ADAMTS3: variants seen among roughly 807,000 people sequenced by gnomAD.
The protein encoded by ADAMTS3 is ADAM metallopeptidase with thrombospondin type 1 motif 3, also known as A disintegrin and metalloproteinase with thrombospondin motifs 3.
Under a neutral mutation model 129.0 loss-of-function variants are expected in ADAMTS3, and 73 were observed. The observed-to-expected ratio is 0.57, with a 90% confidence interval of 0.47 to 0.69. The LOEUF (loss-of-function observed/expected upper bound fraction) is 0.69. Among genes scored for constraint, ADAMTS3 ranks in the 30% least tolerant of loss-of-function variants. The probability of loss-of-function intolerance (pLI) is 0.00; values close to 1 mark genes in which losing one functional copy is unlikely to be tolerated. For missense variants in ADAMTS3, 1,457 were observed against 1,514.5 expected (o/e 0.96, Z 0.63); for synonymous variants, 477 against 510.8 (o/e 0.93, Z 0.89).
intron 2 of ADAMTS3, among the ~76,000 whole-genome samples, chr4:72,559,889 A>G (rs1175420677): frequency 6.6e-6 from 1 of 151,848 alleles, no homozygotes; most frequent in African/African-American, 2.4e-5. Context: ...TAGCCAAGAC[A>G]GTCCTAAACA....
intron 5 of ADAMTS3, among the ~76,000 whole-genome samples, chr4:72,336,160 G>T (rs1166490659): frequency 6.6e-6 from 1 of 152,126 alleles, no homozygotes; most frequent in Non-Finnish European, 1.5e-5. Flanking sequence ...AGGCAAAGTT[G>T]ACCAACAATT....
At chr4:72,467,812 T>C (rs1442061600) in intron 3 of ADAMTS3, among the ~76,000 whole-genome samples, 3 of 152,082 alleles carry the variant, frequency 2.0e-5, no homozygotes, top group East Asian at 1.9e-4. Context: ...CTAACTTGTA[T>C]AGCACTCCCC....
At chr4:72,406,160 T>G (rs901455659) in intron 4 of ADAMTS3, among the ~76,000 whole-genome samples, 1 of 152,000 alleles carries the variant, frequency 6.6e-6, no homozygotes, top group African/African-American at 2.4e-5. Flanking sequence ...CAAATAGCAG[T>G]CCCAGCCATA....
intron 3 of ADAMTS3, among the ~76,000 whole-genome samples, chr4:72,476,853 T>C (rs77951781): frequency 0.02 from 3,055 of 152,190 alleles, 104 homozygotes; most frequent in African/African-American, 0.07. Flanking sequence ...GCAAGGCTAG[T>C]TCAACTTTCA....
chr4:72,293,558 C>G (rs2109775257), intron 19 of ADAMTS3, among the ~76,000 whole-genome samples: 1 of 152,196 alleles, frequency 6.6e-6, no homozygotes, highest in South Asian at 2.1e-4. Flanking sequence ...TGATTCTGTT[C>G]TATGGAATCT....
intron 3 of ADAMTS3, among the ~76,000 whole-genome samples, chr4:72,450,340 G>A (rs1238969444): frequency 6.6e-6 from 1 of 151,646 alleles, no homozygotes; most frequent in African/African-American, 2.4e-5. Flanking sequence ...ACATGGCCAG[G>A]CTCTGGCACC....
chr4:72,319,174 A>C (rs1204526809), intron 9 of ADAMTS3, among the ~76,000 whole-genome samples, 158 bp downstream of exon 9: 2 of 152,184 alleles, frequency 1.3e-5, no homozygotes, highest in Non-Finnish European at 2.9e-5. Context: ...TGACTCCATG[A>C]TAAAATTTTT....
intron 4 of ADAMTS3, among the ~76,000 whole-genome samples, chr4:72,383,218 T>G (rs1183487662): frequency 6.6e-6 from 1 of 152,100 alleles, no homozygotes; most frequent in African/African-American, 2.4e-5. Flanking sequence ...ACCAATCCTC[T>G]TGTAGATAAC....
rs766804810 is a variant in ADAMTS3, at chr4:72,323,142, G to A, written c.862-45C>T. 3 of 1,464,962 alleles carry A rather than the reference G, an allele frequency of 2.0e-6. No individual in the cohort carries two copies. In the South Asian group the frequency reaches 3.4e-5, roughly 17 times the overall value. The allele number at this position is 1,464,962 out of a possible 1,614,324, so 90.7% of individuals were successfully genotyped here. A position where few individuals can be genotyped will look rare whatever the true frequency, so the allele number is the denominator to read the frequency against. ...ATTGCTAAAAGAAAGGAAACACCGA[G>A]GATTTCATGAGATGTACATATAAGC... On this transcript the variant is annotated intron_variant, in intron 5 of 21. Coordinates refer to ENST00000286657, the MANE Select transcript of ADAMTS3 (RefSeq NM_014243.3).
chr4:72,369,520 G>A (rs1720951730), intron 4 of ADAMTS3, among the ~76,000 whole-genome samples: 1 of 152,044 alleles, frequency 6.6e-6, no homozygotes, highest in Non-Finnish European at 1.5e-5. Context: ...AAACCAGCAT[G>A]GCCAACATGA....
intron 4 of ADAMTS3, among the ~76,000 whole-genome samples, chr4:72,382,626 T>C (rs2109881082): frequency 6.6e-6 from 1 of 152,256 alleles, no homozygotes; most frequent in African/African-American, 2.4e-5. Context: ...AGTCATGGAC[T>C]CAAACTAGGT....
chr4:72,388,316 C>CAGGAG (rs1721498908), intron 4 of ADAMTS3, among the ~76,000 whole-genome samples: 2 of 152,154 alleles, frequency 1.3e-5, no homozygotes, highest in African/African-American at 4.8e-5. Context: ...TATGATAGGC[C>CAGGAG]AGGAGAGGAA....
intron 3 of ADAMTS3, among the ~76,000 whole-genome samples, chr4:72,538,404 T>A (rs1421765970): frequency 6.6e-6 from 1 of 151,992 alleles, no homozygotes; most frequent in Non-Finnish European, 1.5e-5. Context: ...AAGTGATTCA[T>A]CACATTACAA....
chr4:72,531,635 T>C (rs1321891701), intron 3 of ADAMTS3, among the ~76,000 whole-genome samples: 1 of 152,110 alleles, frequency 6.6e-6, no homozygotes, highest in Non-Finnish European at 1.5e-5. Flanking sequence ...CAACTGAAGA[T>C]CTTAGGCTTT....
At chr4:72,349,111 T>C (rs1367022922) in intron 4 of ADAMTS3, among the ~76,000 whole-genome samples, 1 of 152,074 alleles carries the variant, frequency 6.6e-6, no homozygotes, top group Non-Finnish European at 1.5e-5. Context: ...AACTGAGTTC[T>C]AGTTCCAGCT....
intron 3 of ADAMTS3, among the ~76,000 whole-genome samples, chr4:72,477,417 T>C (rs976588342): frequency 1.1e-4 from 16 of 152,014 alleles, no homozygotes; most frequent in Admixed American, 1.0e-3. Context: ...ACATGGAAAC[T>C]GAACAACCTG....
intron 3 of ADAMTS3, among the ~76,000 whole-genome samples, chr4:72,424,743 C>G (rs1021636509): frequency 5.9e-5 from 9 of 151,968 alleles, no homozygotes; most frequent in African/African-American, 2.2e-4. Context: ...TTTTCTTCTC[C>G]CAAGAAACTA....
chr4:72,324,467 T>G (rs111550960), intron 5 of ADAMTS3, among the ~76,000 whole-genome samples: 3,679 of 152,264 alleles, frequency 0.024, 151 homozygotes, highest in African/African-American at 0.084. Context: ...AAAATCTGGC[T>G]AAGCTAGAAT....
At chr4:72,386,149 A>G (rs1197518573) in intron 4 of ADAMTS3, among the ~76,000 whole-genome samples, 3 of 152,170 alleles carry the variant, frequency 2.0e-5, no homozygotes, top group Admixed American at 1.3e-4. Context: ...CATACTCAGG[A>G]GATCTCACTC....
Sources: gnomAD v4.1 joint callset for allele counts (sites outside exome capture counted in the v4.1 genomes callset) on GRCh38, gnomAD v4.1.1 for gene constraint, MANE v1.5 for transcripts, NCBI Gene and HGNC (gene_info 2026-07-23, HGNC 2026-07-21) for gene names.